The following TBX15 variants were observed in gnomAD, a reference collection of about 807,000 sequenced individuals.
TBX15 encodes T-box transcription factor 15, also known as T-box transcription factor TBX15.
Under a neutral mutation model 53.9 loss-of-function variants are expected in TBX15, and 18 were observed. The ratio of observed to expected loss-of-function variants is 0.33; its 90% CI spans 0.23 to 0.49. The LOEUF (loss-of-function observed/expected upper bound fraction) is 0.49, where lower values mean the gene tolerates loss of function less well. TBX15 is among the 20% of genes least tolerant of loss of function. The probability of loss-of-function intolerance (pLI) is 0.98; values close to 1 mark genes in which losing one functional copy is unlikely to be tolerated. For synonymous variants in TBX15, 295 were observed against 278.0 expected, an observed-to-expected ratio of 1.06 and a Z score of -0.61; for missense variants, 692 against 749.5, an observed-to-expected ratio of 0.92 and a Z score of 0.90.
chr1:118,982,809 C>G (rs1657691493), intron 1 of TBX15, among the ~76,000 whole-genome samples: 1 of 152,196 alleles, frequency 6.6e-6, no homozygotes, highest in Admixed American at 6.5e-5. Flanking sequence ...TTAATTCTCC[C>G]TTCCTCCCTG....
chr1:118,918,995 C>T (rs933683939), intron 5 of TBX15, among the ~76,000 whole-genome samples: 4 of 152,098 alleles, frequency 2.6e-5, no homozygotes, highest in Admixed American at 2.6e-4. Context: ...AAAAAGATTC[C>T]ACACTGATTT....
intron 7 of TBX15, among the ~76,000 whole-genome samples, chr1:118,893,617 G>GAAAGAAAGAAAGAA (rs1354805382): frequency 9.4e-6 from 1 of 106,298 alleles, no homozygotes; most frequent in African/African-American, 4.1e-5. Flanking sequence ...GAAAGAAAGA[G>GAAAGAAAGAAAGAA]AGAGAGAAAG....
chr1:118,893,490 GAAAGAAA>G lies in TBX15; in HGVS notation c.1024+5531_1024+5537del, dbSNP rs1557872800. Among the ~76,000 whole-genome samples, 33 of 85,260 alleles carry G rather than the reference GAAAGAAA, an allele frequency of 3.9e-4. 1 individual carries two copies. The highest frequency in any genetic ancestry group is 1.2e-3 in the Admixed American group (11 of 9,364). 55.9% of individuals were successfully genotyped at this position (85,260 alleles called of 152,430 possible). A position where few individuals can be genotyped will look rare whatever the true frequency, so the allele number is the denominator to read the frequency against. ...GAAAGGAAGGAAGGAAGGAAGGAAA[GAAAGAAA>G]GAAAGAAAGAAAGAAAGAAAGAAAG... is the stretch of plus-strand genomic sequence containing the variant. On this transcript the variant is annotated intron_variant, in intron 7 of 7. Coordinates refer to ENST00000369429, the MANE Select transcript of TBX15 (RefSeq NM_001330677.2).
At chr1:118,954,473 C>G (rs897574049) in intron 1 of TBX15, among the ~76,000 whole-genome samples, 1 of 152,164 alleles carries the variant, frequency 6.6e-6, no homozygotes, top group Admixed American at 6.5e-5. Context: ...GGATTACATA[C>G]AGCAATGTCT....
At position 118,971,053 on chromosome 1, in the gene TBX15, C is replaced by A. The variant is rs146391625; in HGVS notation, c.205+16538G>T. ...TTTCAGATTGCTTTTTATTCTATTT[C>A]TTTTTCTCCCTTGCTGGGCAGAAAA... On this transcript the variant is annotated intron_variant, in intron 1 of 7. Transcript: ENST00000369429. Among the ~76,000 whole-genome samples the A allele has an allele frequency of 4.6e-5, 7 of 152,220 alleles. No individual in the cohort carries two copies. In the East Asian group the frequency reaches 5.8e-4, roughly 13 times the overall value.
At chr1:118,945,342 T>C (rs1304752017) in intron 1 of TBX15, among the ~76,000 whole-genome samples, 1 of 152,194 alleles carries the variant, frequency 6.6e-6, no homozygotes, top group African/African-American at 2.4e-5. Flanking sequence ...TGATTAGTGG[T>C]TAAAAATTAA....
chr1:118,890,007 A>C (rs761948678), intron 7 of TBX15, among the ~76,000 whole-genome samples: 2 of 152,166 alleles, frequency 1.3e-5, no homozygotes, highest in Admixed American at 1.3e-4. Flanking sequence ...TTGGGTTCTA[A>C]TGAGAATGGC....
chr1:118,890,353 C>T (rs1226472209), intron 7 of TBX15, among the ~76,000 whole-genome samples: 1 of 152,146 alleles, frequency 6.6e-6, no homozygotes, highest in African/African-American at 2.4e-5. Flanking sequence ...TTCCCACTAT[C>T]CTTAGAGGTC....
At chr1:118,944,781 A>G (rs745765327) in intron 1 of TBX15, among the ~76,000 whole-genome samples, 5 of 152,220 alleles carry the variant, frequency 3.3e-5, no homozygotes, top group Non-Finnish European at 1.5e-5. Flanking sequence ...CCAGTTCAGC[A>G]TCTGTCATGA....
At chr1:118,901,481 T>C (rs1487666955) in intron 6 of TBX15, 1 of 449,248 alleles carries the variant, frequency 2.2e-6, no homozygotes, top group Non-Finnish European at 4.4e-6. Flanking sequence ...ACCATAGCAG[T>C]TTCATTTTCA....
At chr1:118,953,742 G>T (rs924196731) in intron 1 of TBX15, among the ~76,000 whole-genome samples, 10 of 152,278 alleles carry the variant, frequency 6.6e-5, no homozygotes, top group African/African-American at 1.9e-4. Flanking sequence ...TCTCAAGAAA[G>T]TGAACAATTC....
Position 118,884,442 on chromosome 1 carries a change from G to T in TBX15, c.*290C>A. 2.1e-6 allele frequency: 1 copy of T among 466,522 alleles called. No homozygotes were observed. Among genetic ancestry groups the T allele is most frequent in the Non-Finnish European group, 3.9e-6 (1 of 256,248 alleles). The allele number at this position is 466,522 out of a possible 1,614,324, so 28.9% of individuals were successfully genotyped here. Reference sequence around the variant, plus strand: ...ATCTCCCTTAACATTATGACGAAGTGATTATTCAGTCTCTTCAAAGGCCAC... The same window carrying T: ...ATCTCCCTTAACATTATGACGAAGTTATTATTCAGTCTCTTCAAAGGCCAC... On this transcript the variant is annotated 3_prime_UTR_variant, in exon 8 of 8. Coordinates refer to ENST00000369429, the MANE Select transcript of TBX15 (RefSeq NM_001330677.2).
At chr1:118,953,020 T>C (rs1656566661) in intron 1 of TBX15, among the ~76,000 whole-genome samples, 1 of 152,112 alleles carries the variant, frequency 6.6e-6, no homozygotes, top group African/African-American at 2.4e-5. Context: ...GCACTTCATG[T>C]TTTTTAAATG....
At chr1:118,912,815 G>A (rs577607354) in intron 6 of TBX15, among the ~76,000 whole-genome samples, 1 of 152,282 alleles carries the variant, frequency 6.6e-6, no homozygotes, top group South Asian at 2.1e-4. Context: ...GAGAGCATTT[G>A]ACATGTAGTC....
intron 1 of TBX15, among the ~76,000 whole-genome samples, chr1:118,955,076 C>T (rs551686874): frequency 3.9e-5 from 6 of 152,188 alleles, no homozygotes; most frequent in Non-Finnish European, 5.9e-5. Context: ...ACCTACATGG[C>T]ATCACTTTAG....
intron 6 of TBX15, among the ~76,000 whole-genome samples, chr1:118,900,998 A>G (rs147320215): frequency 1.6e-3 from 244 of 152,308 alleles, no homozygotes; most frequent in African/African-American, 5.6e-3. Context: ...CTCAAGGACA[A>G]AGAACAGTCC....
chr1:118,961,955 C>T (rs1392985004), intron 1 of TBX15, among the ~76,000 whole-genome samples: 1 of 152,186 alleles, frequency 6.6e-6, no homozygotes, highest in African/African-American at 2.4e-5. Flanking sequence ...TTCCTACAAC[C>T]CAATATATGG....
At chr1:118,968,821 G>T (rs1442822572) in intron 1 of TBX15, among the ~76,000 whole-genome samples, 2 of 152,156 alleles carry the variant, frequency 1.3e-5, no homozygotes, top group Non-Finnish European at 2.9e-5. Context: ...GGCACAGGGA[G>T]CTTCCCTGTT....
At chr1:118,955,771 T>C (rs1277839798) in intron 1 of TBX15, among the ~76,000 whole-genome samples, 1 of 152,194 alleles carries the variant, frequency 6.6e-6, no homozygotes, top group East Asian at 1.9e-4. Flanking sequence ...ATATGGAAAT[T>C]TAGTAAGACC....
Sources: allele counts gnomAD v4.1 joint callset (sites outside exome capture counted in the v4.1 genomes callset), GRCh38; gene constraint gnomAD v4.1.1; transcripts MANE v1.5; gene names NCBI Gene and HGNC (gene_info 2026-07-23, HGNC 2026-07-21).